SEPTIN7: variants seen among roughly 807,000 people sequenced by gnomAD.
SEPTIN7 encodes the protein septin 7.
In SEPTIN7, 10 loss-of-function variants were observed where a neutral mutation model predicts 63.3. The ratio of observed to expected loss-of-function variants is 0.16; its 90% CI spans 0.10 to 0.27. SEPTIN7 has a LOEUF of 0.27. Ranked by LOEUF, SEPTIN7 falls within the 10% of genes least tolerant of loss-of-function variation. The probability of loss-of-function intolerance (pLI) is 1.00; values close to 1 mark genes in which losing one functional copy is unlikely to be tolerated. For missense variants in SEPTIN7, 310 were observed against 521.0 expected, an observed-to-expected ratio of 0.59 and a Z score of 3.94; for synonymous variants, 131 against 165.3, an observed-to-expected ratio of 0.79 and a Z score of 1.59.
chr7:35,815,544 G>C (rs1240724067), intron 1 of SEPTIN7, among the ~76,000 whole-genome samples: 2 of 151,940 alleles, frequency 1.3e-5, no homozygotes, highest in East Asian at 3.9e-4. Flanking sequence ...TACATACTTG[G>C]AAAAACCTAT....
At chr7:35,827,332 C>T (rs148736016) in intron 1 of SEPTIN7, among the ~76,000 whole-genome samples, 153 of 152,094 alleles carry the variant, frequency 1.0e-3, no homozygotes, top group African/African-American at 3.7e-3. Flanking sequence ...TTCCTTATCC[C>T]GAGATATTTC....
chr7:35,901,472 G>A (rs1339503967), intron 12 of SEPTIN7: 2 of 152,120 alleles, frequency 1.3e-5, no homozygotes, highest in African/African-American at 4.8e-5. Context: ...AGCCCAGGAG[G>A]TATTTTATAA....
At chr7:35,838,278 T>C (rs1562536776) in intron 3 of SEPTIN7, among the ~76,000 whole-genome samples, 7 of 14,706 alleles carry the variant, frequency 4.8e-4, no homozygotes, top group East Asian at 1.9e-3. Flanking sequence ...CCTTCCTTCC[T>C]TCCTTCCTTC....
intron 3 of SEPTIN7, among the ~76,000 whole-genome samples, chr7:35,842,428 T>C (rs1159277650): frequency 6.6e-6 from 1 of 152,104 alleles, no homozygotes; most frequent in African/African-American, 2.4e-5. Context: ...TCTGTTTTAC[T>C]ATATAGGAGT....
At chr7:35,843,345 T>C (rs1784503657) in intron 3 of SEPTIN7, among the ~76,000 whole-genome samples, 1 of 152,176 alleles carries the variant, frequency 6.6e-6, no homozygotes, top group Non-Finnish European at 1.5e-5. Context: ...ATTCGTATGC[T>C]CTATTAGAAA....
At chr7:35,880,223 C>CTTTTTTTTTTTTTTT in intron 7 of SEPTIN7, among the ~76,000 whole-genome samples, 940 of 72,798 alleles carry the variant, frequency 0.013, 1 homozygote, top group Middle Eastern at 0.019. Flanking sequence ...TTTTTCTTTT[C>CTTTTTTTTTTTTTTT]TTTTTTTTTT....
intron 1 of SEPTIN7, among the ~76,000 whole-genome samples, chr7:35,807,620 C>T (rs1351555689): frequency 6.6e-6 from 1 of 152,006 alleles, no homozygotes; most frequent in African/African-American, 2.4e-5. Flanking sequence ...GTCTTGGCCT[C>T]CCAAAGTGCT....
intron 4 of SEPTIN7, among the ~76,000 whole-genome samples, chr7:35,871,080 G>A (rs1275331265): frequency 6.6e-6 from 1 of 152,126 alleles, no homozygotes; most frequent in Non-Finnish European, 1.5e-5. Context: ...TAATGATAAT[G>A]CATATTAATA....
chr7:35,825,809 T>A (rs1783482540), intron 1 of SEPTIN7, among the ~76,000 whole-genome samples: 1 of 152,176 alleles, frequency 6.6e-6, no homozygotes, highest in South Asian at 2.1e-4. Context: ...AAAAATTGAT[T>A]TAAATTTTAA....
chr7:35,830,480 C>G (rs1308499264), intron 1 of SEPTIN7, among the ~76,000 whole-genome samples: 1 of 152,082 alleles, frequency 6.6e-6, no homozygotes, highest in East Asian at 1.9e-4. Flanking sequence ...GGAGGTGCAG[C>G]TGAGACATTA....
chr7:35,875,827 C>G (rs1421975838), intron 6 of SEPTIN7, among the ~76,000 whole-genome samples: 1 of 152,080 alleles, frequency 6.6e-6, no homozygotes, highest in African/African-American at 2.4e-5. Flanking sequence ...TGTGGTTGTT[C>G]ATTATGCTGT....
rs955726223 is a variant in SEPTIN7 at position 35,801,914 on chromosome 7, CCT to C, written c.61+650_61+651del. On this transcript the variant is annotated intron_variant, in intron 1 of 13. Coordinates refer to ENST00000350320, the MANE Select transcript of SEPTIN7 (RefSeq NM_001788.6). ...CTCCTCCTCCCGCCTCTCGGGGTTG[CCT>C]CTCTCCAGGCGCAGCCCGGAAGGCC... 2.6e-5 allele frequency among the ~76,000 whole-genome samples: 4 copies of C among 152,290 alleles called. No homozygotes were observed. In the East Asian group the frequency reaches 5.8e-4, roughly 22 times the overall value.
intron 3 of SEPTIN7, among the ~76,000 whole-genome samples, chr7:35,851,153 C>T (rs1455347987): frequency 6.6e-6 from 1 of 152,084 alleles, no homozygotes; most frequent in Non-Finnish European, 1.5e-5. Flanking sequence ...ATGTGGCTTT[C>T]ATGGACAAGT....
Position 35,882,506 on chromosome 7 carries a change from A to T in SEPTIN7, c.653A>T (p.His218Leu). Residue 218 changes from histidine (H) to leucine (L), a missense_variant, in exon 8 of 14, where the codon CAT becomes CTT. By Grantham distance (99) the His-to-Leu change is moderately conservative (BLOSUM62 -3). This residue lies in a region of SEPTIN7 where 255 missense variants were observed against 490.5 expected (regional missense o/e 0.52). Transcript: ENST00000350320. Reference sequence around the variant, plus strand: ...TAGATAATGAAAGAAATCCAAGAACATAAAATTAAAATATACGAATTTCCA... The same window carrying T: ...TAGATAATGAAAGAAATCCAAGAACTTAAAATTAAAATATACGAATTTCCA... The part of the protein sequence containing the change: ...KKQIMKEIQE[H>L]KIKIYEFPET... 1 of 1,475,682 alleles carries T rather than the reference A, an allele frequency of 6.8e-7. No individual in the cohort carries two copies. The highest frequency in any genetic ancestry group is 9.1e-7 in the Non-Finnish European group (1 of 1,102,372). The allele number at this position is 1,475,682 out of a possible 1,614,324, so 91.4% of individuals were successfully genotyped here. A position where few individuals can be genotyped will look rare whatever the true frequency, so the allele number is the denominator to read the frequency against.
chr7:35,878,587 T>C (rs1786624402), intron 6 of SEPTIN7, among the ~76,000 whole-genome samples: 1 of 152,200 alleles, frequency 6.6e-6, no homozygotes, highest in African/African-American at 2.4e-5. Flanking sequence ...ATGTTATAGT[T>C]ATTCATTCCA....
At chr7:35,854,330 G>A (rs1372363998) in intron 3 of SEPTIN7, among the ~76,000 whole-genome samples, 1 of 152,208 alleles carries the variant, frequency 6.6e-6, no homozygotes, top group Non-Finnish European at 1.5e-5. Flanking sequence ...ATGCATAGTG[G>A]TATCAGTGCT....
intron 12 of SEPTIN7, chr7:35,901,735 C>G (rs1788333863): frequency 6.6e-6 from 1 of 152,146 alleles, no homozygotes; most frequent in Admixed American, 6.5e-5. Context: ...GTGCCTGTCC[C>G]CTATTGTATC....
intron 1 of SEPTIN7, among the ~76,000 whole-genome samples, chr7:35,806,965 A>C (rs181705336): frequency 2.6e-5 from 4 of 152,344 alleles, no homozygotes; most frequent in African/African-American, 7.2e-5. Flanking sequence ...TGTTTTCAGG[A>C]AAATCAAAAC....
intron 3 of SEPTIN7, among the ~76,000 whole-genome samples, chr7:35,837,751 A>G (rs1784148300): frequency 6.6e-6 from 1 of 151,966 alleles, no homozygotes. Flanking sequence ...TTATTTTTTG[A>G]GATGGAGTCT....
Sources: allele counts gnomAD v4.1 joint callset (sites outside exome capture counted in the v4.1 genomes callset), GRCh38; gene constraint gnomAD v4.1.1; regional missense constraint gnomAD v4.1.1; transcripts MANE v1.5; gene names NCBI Gene and HGNC (gene_info 2026-07-23, HGNC 2026-07-21).